The following DGKH variants were observed in gnomAD, a reference collection of about 807,000 sequenced individuals.
DGKH encodes DAG kinase eta.
In DGKH, 90 loss-of-function variants were observed where a neutral mutation model predicts 159.3. The ratio of observed to expected loss-of-function variants is 0.57; its 90% confidence interval spans 0.48 to 0.67. DGKH has a LOEUF of 0.67. DGKH is among the 30% of genes least tolerant of loss of function. The pLI is 0.00. For missense variants in DGKH, 1,181 were observed against 1,506.1 expected (o/e 0.78, Z 3.57); for synonymous variants, 536 against 553.8 (o/e 0.97, Z 0.45).
intron 13 of DGKH, among the ~76,000 whole-genome samples, chr13:42,185,778 T>C (rs553815213): frequency 6.6e-6 from 1 of 152,168 alleles, no homozygotes; most frequent in Non-Finnish European, 1.5e-5. Context: ...ATGAAGTACA[T>C]GAATGCATGT....
At chr13:42,177,546 A>C (rs1263954408) in intron 12 of DGKH, among the ~76,000 whole-genome samples, 1 of 152,180 alleles carries the variant, frequency 6.6e-6, no homozygotes, top group East Asian at 1.9e-4. Flanking sequence ...ATATCATTGC[A>C]TATGTTCAGC....
At chr13:42,183,224 G>C (rs781149345) in intron 13 of DGKH, among the ~76,000 whole-genome samples, 10 of 152,010 alleles carry the variant, frequency 6.6e-5, no homozygotes, top group Admixed American at 2.6e-4. Context: ...GAGAGTTCGA[G>C]GCTGCAGTGA....
At chr13:42,047,318 G>C (rs1244954065), upstream of DGKH, among the ~76,000 whole-genome samples, 1 of 151,842 alleles carries the variant, frequency 6.6e-6, no homozygotes, top group African/African-American at 2.4e-5. Flanking sequence ...TTGGGAGTAA[G>C]ACTGCAAGTT....
At chr13:42,132,372 T>C (rs886124909) in intron 3 of DGKH, among the ~76,000 whole-genome samples, 1 of 152,264 alleles carries the variant, frequency 6.6e-6, no homozygotes, top group East Asian at 1.9e-4. Flanking sequence ...CTGAAAATTA[T>C]TCTTCCTATT....
chr13:42,247,204 T>C (rs1158087298), downstream of DGKH, among the ~76,000 whole-genome samples: 1 of 151,862 alleles, frequency 6.6e-6, no homozygotes, highest in East Asian at 1.9e-4. Flanking sequence ...ACTGATTGGT[T>C]TATACATTTC....
In DGKH at chr13:42,218,457, C is replaced by G. The variant is rs146424443; in HGVS notation, c.3214-773C>G. 5.9e-3 allele frequency among the ~76,000 whole-genome samples: 876 copies of G among 147,594 alleles called. 4 individuals are homozygous for G. Among genetic ancestry groups the G allele is most frequent in the African/African-American group, 0.021 (829 of 40,252 alleles). ...TTTTTCTGCAGTTCTTTTTATATGA[C>G]AAGTTTTTAACCAGTTTAAAAAGTA... On this transcript the variant is annotated intron_variant, in intron 26 of 29. Transcript: ENST00000337343.
In DGKH at chr13:42,221,475, C is replaced by CT. The variant is rs994842764; in HGVS notation, c.3573+85dup. 5 of 1,554,460 alleles carry CT rather than the reference C, an allele frequency of 3.2e-6. No homozygotes were observed. In the Admixed American group the frequency reaches 9.3e-5, roughly 29 times the overall value. ...TCTCCTGTGCCTCTTCTGATACTTG[C>CT]TTTTAGCTTCGCTTATGTCATGCAA... On this transcript the variant is annotated intron_variant, in intron 29 of 29. Coordinates refer to ENST00000337343, the MANE Select transcript of DGKH (RefSeq NM_178009.5).
intron 3 of DGKH, among the ~76,000 whole-genome samples, chr13:42,130,121 A>C (rs1025525040): frequency 1.3e-5 from 2 of 152,182 alleles, no homozygotes; most frequent in African/African-American, 4.8e-5. Context: ...CATTGCTTAA[A>C]AAGACCTCAC....
intron 21 of DGKH, among the ~76,000 whole-genome samples, chr13:42,207,130 C>T (rs58191421): frequency 0.11 from 2,205 of 20,988 alleles, 324 homozygotes; most frequent in South Asian, 0.17. Flanking sequence ...TCTCTCCTTC[C>T]TTCCTTCCTT....
intron 1 of DGKH, among the ~76,000 whole-genome samples, chr13:42,121,706 A>G (rs559770358): frequency 1.6e-4 from 24 of 152,340 alleles, no homozygotes; most frequent in African/African-American, 5.8e-4. Flanking sequence ...GGCAACTGGT[A>G]TCCTTGGGAT....
At chr13:42,176,793 A>G (rs1392747785) in intron 12 of DGKH, among the ~76,000 whole-genome samples, 1 of 152,190 alleles carries the variant, frequency 6.6e-6, no homozygotes, top group African/African-American at 2.4e-5. Flanking sequence ...GATCATTTAT[A>G]CTAGAAAATT....
At chr13:42,103,335 G>T (rs1476830073) in intron 1 of DGKH, among the ~76,000 whole-genome samples, 1 of 152,148 alleles carries the variant, frequency 6.6e-6, no homozygotes, top group African/African-American at 2.4e-5. Flanking sequence ...ATAGGGAGTA[G>T]TATAATATTT....
rs574590144 is a variant in DGKH at position 42,151,290 on chromosome 13, G to A, written c.385-4001G>A. Among the ~76,000 whole-genome samples the A allele has an allele frequency of 5.5e-4, 84 of 151,860 alleles. 1 individual carries two copies. The highest frequency in any genetic ancestry group is 2.7e-3 in the Admixed American group (41 of 15,252). ...TCAGTCACCTCCCTTCCACCCTTTAGAGTCTCCAGTGTCCATTATTCCACA... is the reference window on the plus strand; with the variant it reads ...TCAGTCACCTCCCTTCCACCCTTTAAAGTCTCCAGTGTCCATTATTCCACA... On this transcript the variant is annotated intron_variant, in intron 3 of 29. Transcript: ENST00000337343.
chr13:42,207,250 C>T (rs562789944), intron 21 of DGKH, among the ~76,000 whole-genome samples: 42 of 148,794 alleles, frequency 2.8e-4, no homozygotes, highest in East Asian at 2.0e-4. Context: ...AGTGCAATGG[C>T]GTAATCTCAG....
chr13:42,049,102 A>T (rs1433074943), intron 1 of DGKH, 137 bp downstream of exon 1: 24 of 78,418 alleles, frequency 3.1e-4, no homozygotes, highest in South Asian at 4.7e-4. Flanking sequence ...AAGGCGGGGA[A>T]GGCGGGGAAG....
intron 1 of DGKH, among the ~76,000 whole-genome samples, chr13:42,112,173 G>T (rs777469464): frequency 1.3e-5 from 2 of 151,936 alleles, no homozygotes. Flanking sequence ...GTCGTATATG[G>T]TTTTTGTGAA....
chr13:42,147,088 G>C (rs1472285792), intron 3 of DGKH, among the ~76,000 whole-genome samples: 1 of 152,168 alleles, frequency 6.6e-6, no homozygotes, highest in Non-Finnish European at 1.5e-5. Flanking sequence ...TGTGCACAAG[G>C]ACTGGAGAGC....
intron 1 of DGKH, among the ~76,000 whole-genome samples, chr13:42,116,544 T>TAAA (rs1419397958): frequency 6.6e-6 from 1 of 152,220 alleles, no homozygotes; most frequent in East Asian, 1.9e-4. Flanking sequence ...AACACTCCTC[T>TAAA]AAAAGCCAGC....
At chr13:42,131,994 TAGAA>T (rs1278751566) in intron 3 of DGKH, among the ~76,000 whole-genome samples, 6 of 152,190 alleles carry the variant, frequency 3.9e-5, no homozygotes, top group African/African-American at 1.4e-4. Flanking sequence ...TAGGGTGAGA[TAGAA>T]AGAACTTCAC....
Sources: allele counts gnomAD v4.1 joint callset (sites outside exome capture counted in the v4.1 genomes callset), GRCh38; gene constraint gnomAD v4.1.1; transcripts MANE v1.5; gene names NCBI Gene and HGNC (gene_info 2026-07-23, HGNC 2026-07-21).